FRRS1: variants seen among roughly 807,000 people sequenced by gnomAD.
FRRS1 encodes the protein ferric reductase 1.
A neutral mutation model predicts 70.7 loss-of-function variants in FRRS1; 51 were observed. That is an observed-to-expected ratio of 0.72 (90% CI 0.58 to 0.91). The LOEUF is 0.91. Among genes scored for constraint, FRRS1 ranks in the 40% least tolerant of loss-of-function variants. The pLI, the probability that FRRS1 is intolerant of heterozygous loss-of-function variation, is 0.00. For synonymous variants in FRRS1, 225 were observed against 238.7 expected (o/e 0.94, Z 0.53); for missense variants, 672 against 726.0 (o/e 0.93, Z 0.86).
rs1654068115 is a variant in FRRS1 at position 99,707,609 on chromosome 1, T to C, written c.*1419A>G. ...CCCAACCACCCAAAAAAAGTAGCCA[T>C]TTTTAAAATAAAGATTAAGAGTTGG... On this transcript the variant is annotated 3_prime_UTR_variant, in exon 17 of 17. Transcript: ENST00000646001. 6.6e-6 allele frequency among the ~76,000 whole-genome samples: 1 copy of C among 152,186 alleles called. No individual in the cohort carries two copies. Among genetic ancestry groups the C allele is most frequent in the Non-Finnish European group, 1.5e-5 (1 of 68,018 alleles).
In FRRS1 at chr1:99,707,722, A is replaced by G. The variant is rs958214641; in HGVS notation, c.*1306T>C. ...GGAAACAGGAACAAAGCAGTGCAGTACTTCGGTATTACAGCGCCACCCACT... is the reference window on the plus strand; with the variant it reads ...GGAAACAGGAACAAAGCAGTGCAGTGCTTCGGTATTACAGCGCCACCCACT... On this transcript the variant is annotated 3_prime_UTR_variant, in exon 17 of 17. Transcript: ENST00000646001. Among the ~76,000 whole-genome samples the G allele has an allele frequency of 1.3e-5, 2 of 152,246 alleles. No individual in the cohort carries two copies. The highest frequency in any genetic ancestry group is 2.4e-5 in the African/African-American group (1 of 41,468).
chr1:99,709,929 C>T (rs1468516581), intron 15 of FRRS1, among the ~76,000 whole-genome samples: 1 of 152,140 alleles, frequency 6.6e-6, no homozygotes, highest in Non-Finnish European at 1.5e-5. Context: ...GATCACACCA[C>T]TGCACTCCAG....
At chr1:99,746,482 A>G (rs183192926) in intron 4 of FRRS1, among the ~76,000 whole-genome samples, 44 of 152,340 alleles carry the variant, frequency 2.9e-4, no homozygotes, top group Admixed American at 2.4e-3. Flanking sequence ...AAGGAATCAT[A>G]AAAGAGACTG....
intron 12 of FRRS1, among the ~76,000 whole-genome samples, chr1:99,713,200 T>C (rs536682879): frequency 6.6e-6 from 1 of 152,304 alleles, no homozygotes; most frequent in South Asian, 2.1e-4. Flanking sequence ...CACCCCCATT[T>C]TACAGGTGAG....
chr1:99,740,030 A>G (rs1655875594), intron 6 of FRRS1, among the ~76,000 whole-genome samples: 2 of 152,220 alleles, frequency 1.3e-5, no homozygotes, highest in African/African-American at 2.4e-5. Context: ...CAGAGGGCCT[A>G]GATGAAATTC....
chr1:99,765,247 A>C (rs1657297996), intron 1 of FRRS1: 1 of 152,252 alleles, frequency 6.6e-6, no homozygotes, highest in Non-Finnish European at 1.5e-5. Flanking sequence ...TGATAGATCA[A>C]ATTAAGCCCC....
chr1:99,750,392 T>C (rs7413890), intron 1 of FRRS1, among the ~76,000 whole-genome samples: 75,259 of 152,062 alleles, frequency 0.49, 22,641 homozygotes, highest in African/African-American at 0.85. Flanking sequence ...TTTGAAGAAA[T>C]AGAGCAAGCC....
intron 1 of FRRS1, among the ~76,000 whole-genome samples, chr1:99,756,425 C>T (rs913351491): frequency 7.1e-6 from 1 of 141,428 alleles, no homozygotes; most frequent in Admixed American, 7.1e-5. Context: ...CTACATATAT[C>T]TCACATAAAG....
intron 10 of FRRS1, among the ~76,000 whole-genome samples, chr1:99,717,762 T>C (rs1654607712): frequency 6.6e-6 from 1 of 152,236 alleles, no homozygotes; most frequent in Non-Finnish European, 1.5e-5. Context: ...CATATACTAA[T>C]TTAGTTGATC....
chr1:99,728,469 A>C (rs1331001022), intron 9 of FRRS1, 24 bp downstream of exon 9: 1 of 1,542,134 alleles, frequency 6.5e-7, no homozygotes, highest in African/African-American at 1.4e-5. Context: ...GACACTTGAA[A>C]AGACAGCTTA....
intron 9 of FRRS1, 128 bp from the exon 10 acceptor site, chr1:99,719,775 CAG>C: frequency 1.7e-6 from 1 of 592,934 alleles, no homozygotes; most frequent in Non-Finnish European, 3.0e-6. Flanking sequence ...TAAATATCAA[CAG>C]AGATGTCATT....
At chr1:99,725,075 T>G (rs1336788118) in intron 9 of FRRS1, among the ~76,000 whole-genome samples, 1 of 151,998 alleles carries the variant, frequency 6.6e-6, no homozygotes, top group Non-Finnish European at 1.5e-5. Context: ...CCACCTTAGA[T>G]CAAAATGCAT....
chr1:99,710,957 C>T lies in FRRS1; in HGVS notation c.1481-8G>A, dbSNP rs1654245819. ...CCAGGAACATCGCTGCCACTACATA[C>T]AAAAGAAAAAAGTTACATTCAAATG... On this transcript the variant is annotated splice_polypyrimidine_tract_variant and splice_region_variant and intron_variant, in intron 14 of 16. Transcript: ENST00000646001. 6.2e-6 allele frequency: 10 copies of T among 1,608,014 alleles called. No individual in the cohort carries two copies. The highest frequency in any genetic ancestry group is 7.6e-6 in the Non-Finnish European group (9 of 1,176,534).
Position 99,708,322 on chromosome 1 carries a change from G to A in FRRS1, c.*706C>T, listed in dbSNP as rs1571085897. Among the ~76,000 whole-genome samples, 1 of 151,982 alleles carries A rather than the reference G, an allele frequency of 6.6e-6. No individual in the cohort carries two copies. The highest frequency in any genetic ancestry group is 6.6e-5 in the Admixed American group (1 of 15,260). ...GTTCAAAATATATTTACCATAGGCT[G>A]GGCGTGGTGGCTCACGCCTGTAATC... On this transcript the variant is annotated 3_prime_UTR_variant, in exon 17 of 17. Transcript: ENST00000646001.
rs1654234492 is a variant in FRRS1 at position 99,710,786 on chromosome 1, T to C, written c.1624+20A>G. 8 of 1,609,630 alleles carry C rather than the reference T, an allele frequency of 5.0e-6. No homozygotes were observed. Among genetic ancestry groups the C allele is most frequent in the Non-Finnish European group, 6.8e-6 (8 of 1,177,636 alleles). ...TGTATAGAAGTGCTTCTACATAACATGGCTTTTTTACCAGGTTACCTTTGC... is the reference window on the plus strand; with the variant it reads ...TGTATAGAAGTGCTTCTACATAACACGGCTTTTTTACCAGGTTACCTTTGC... On this transcript the variant is annotated intron_variant, in intron 15 of 16. Coordinates refer to ENST00000646001, the MANE Select transcript of FRRS1 (RefSeq NM_001361041.2).
chr1:99,736,786 TAAATA>T (rs1655691493), intron 7 of FRRS1, among the ~76,000 whole-genome samples: 1 of 93,576 alleles, frequency 1.1e-5, no homozygotes, highest in Non-Finnish European at 2.0e-5. Context: ...AAAATAAAAA[TAAATA>T]AAATAAAAAT....
chr1:99,737,868 G>A (rs182395357), intron 7 of FRRS1, among the ~76,000 whole-genome samples: 7 of 151,938 alleles, frequency 4.6e-5, no homozygotes, highest in Non-Finnish European at 8.8e-5. Context: ...TCAGCCTCCC[G>A]TGCAGCCGGG....
intron 1 of FRRS1, among the ~76,000 whole-genome samples, chr1:99,758,123 C>T (rs1477743538): frequency 1.3e-5 from 2 of 152,172 alleles, no homozygotes; most frequent in Non-Finnish European, 1.5e-5. Flanking sequence ...GTCAAGTATG[C>T]ATTGGCTTAT....
intron 1 of FRRS1, among the ~76,000 whole-genome samples, chr1:99,752,287 A>G (rs556081855): frequency 6.6e-6 from 1 of 152,318 alleles, no homozygotes; most frequent in East Asian, 1.9e-4. Context: ...GGCTTTTGGC[A>G]TGCCTTCCTC....
Sources: allele counts gnomAD v4.1 joint callset (sites outside exome capture counted in the v4.1 genomes callset), GRCh38; gene constraint gnomAD v4.1.1; transcripts MANE v1.5; gene names NCBI Gene and HGNC (gene_info 2026-07-23, HGNC 2026-07-21).